The following GEMIN4 variants were observed in gnomAD, a reference collection of about 807,000 sequenced individuals.
The protein encoded by GEMIN4 is gem-associated protein 4.
In GEMIN4, 59 loss-of-function variants were observed where a neutral mutation model predicts 76.8. The ratio of observed to expected loss-of-function variants is 0.77; its 90% CI spans 0.62 to 0.95. The LOEUF is 0.95. GEMIN4 is among the 40% of genes least tolerant of loss of function. The pLI is 0.00. For synonymous variants in GEMIN4, 562 were observed against 559.7 expected (o/e 1.00, Z -0.06); for missense variants, 1,311 against 1,318.9 (o/e 0.99, Z 0.09).
Position 747,299 on chromosome 17 carries a change from A to C in GEMIN4, c.744T>G (p.Thr248=). 6.2e-7 allele frequency: 1 copy of C among 1,613,828 alleles called. No individual in the cohort carries two copies. Among genetic ancestry groups the C allele is most frequent in the Non-Finnish European group, 8.5e-7 (1 of 1,179,866 alleles). The change falls in exon 2 of 2, where the codon ACT becomes ACG. Residue 248 remains threonine (T), a synonymous_variant. Coordinates refer to ENST00000319004, the MANE Select transcript of GEMIN4 (RefSeq NM_015721.3). The part of the protein sequence containing the change: ...CALANLADML[T]VFALTEDDPQ... ...GGTCGTCCTCTGTCAGCGCAAACAC[A>C]GTCAGCATGTCAGCCAGGTTGGCCA...
In GEMIN4 at chr17:746,667, T is replaced by C; in HGVS notation, c.1376A>G (p.Glu459Gly). ...AGCTGTGCTGACGTCTATCACTGTTTCCAGCAGCCTCAACACCAAGTCTGG... is the reference window on the plus strand; with the variant it reads ...AGCTGTGCTGACGTCTATCACTGTTCCCAGCAGCCTCAACACCAAGTCTGG... ...RQPDLVLRLL[E>G]TVIDVSTADR... Residue 459 changes from glutamate to glycine, a missense_variant, in exon 2 of 2, where the codon GAA (glutamate) becomes GGA (glycine). Glu to Gly is a moderately conservative substitution (Grantham distance 98). This residue lies in a region of GEMIN4 where 1,208 missense variants were observed against 1,166.9 expected (regional missense o/e 1.04). Transcript: ENST00000319004. This position sits in a 1 kb window ranked among gnomAD's most constrained non-coding sequence, Gnocchi z 4.3. The C allele has an allele frequency of 6.2e-7, 1 of 1,613,582 alleles. No individual in the cohort carries two copies. Among genetic ancestry groups the C allele is most frequent in the Non-Finnish European group, 8.5e-7 (1 of 1,179,884 alleles).
At position 745,713 on chromosome 17, in the gene GEMIN4, A is replaced by C. The variant is rs1385443127; in HGVS notation, c.2330T>G (p.Phe777Cys). The C allele has an allele frequency of 5.6e-6, 9 of 1,604,508 alleles. No homozygotes were observed. The highest frequency in any genetic ancestry group is 2.2e-5 in the East Asian group (1 of 44,580). The change falls in exon 2 of 2, where the codon TTC becomes TGC. Residue 777 changes from phenylalanine to cysteine, a missense_variant. Physicochemically the swap from Phe to Cys is radical, Grantham distance 205 (BLOSUM62 -2). Coordinates refer to ENST00000319004, the MANE Select transcript of GEMIN4 (RefSeq NM_015721.3). The surrounding 1 kb of genome is among the most constrained non-coding windows in gnomAD (Gnocchi z 4.6). ...TTCACACTTGAAGTGCCCCTCGAAGAAGCTCTTCAGCCTCAGGCCCACAGT... is the reference window on the plus strand; with the variant it reads ...TTCACACTTGAAGTGCCCCTCGAAGCAGCTCTTCAGCCTCAGGCCCACAGT... The part of the protein sequence containing the change: ...DWTVGLRLKS[F>C]FEGHFKCEVP...
At position 746,884 on chromosome 17, in the gene GEMIN4, G is replaced by C. The variant is rs773935487; in HGVS notation, c.1159C>G (p.Leu387Val). Residue 387 changes from leucine (L) to valine (V), a missense_variant, in exon 2 of 2, where the codon CTG becomes GTG. Physicochemically the swap from Leu to Val is conservative, Grantham distance 32. Around this residue, in one of 2 missense-constraint regions of GEMIN4, gnomAD observed 1,208 missense variants for 1,166.9 expected, o/e 1.04. Coordinates refer to ENST00000319004, the MANE Select transcript of GEMIN4 (RefSeq NM_015721.3). This position sits in a 1 kb window ranked among gnomAD's most constrained non-coding sequence, Gnocchi z 4.3. ...TTCAGCACCGTGCTCGTTTTCCTCAGGAAGTCCCTGACACACTCCGCCAGC... is the reference window on the plus strand; with the variant it reads ...TTCAGCACCGTGCTCGTTTTCCTCACGAAGTCCCTGACACACTCCGCCAGC... ...SELAECVRDF[L>V]RKTSTVLKNR... The C allele has an allele frequency of 6.2e-7, 1 of 1,613,750 alleles. No individual in the cohort carries two copies. The highest frequency in any genetic ancestry group is 1.3e-5 in the African/African-American group (1 of 75,038).
upstream of GEMIN4, chr17:752,328 G>A (rs1904778188): frequency 3.3e-6 from 4 of 1,214,500 alleles, no homozygotes; most frequent in South Asian, 1.7e-4. Flanking sequence ...ACGAACGAGC[G>A]CGCCAAGCGC....
Position 745,952 on chromosome 17 carries a change from G to A in GEMIN4, c.2091C>T (p.Leu697=). ...YWLQTCSPFP[L]LFSLCQLLDR... ...CCAAGAGCTGGCACAAGCTGAAGAG[G>A]AGTGGAAACGGGGAGCAGGTCTGGA... Residue 697 remains leucine, a synonymous_variant, in exon 2 of 2, where the codon CTC becomes CTT. Coordinates refer to ENST00000319004, the MANE Select transcript of GEMIN4 (RefSeq NM_015721.3). The surrounding 1 kb of genome is among the most constrained non-coding windows in gnomAD (Gnocchi z 4.6). The A allele has an allele frequency of 1.2e-6, 2 of 1,613,166 alleles. No individual in the cohort carries two copies. The highest frequency in any genetic ancestry group is 1.7e-6 in the Non-Finnish European group (2 of 1,179,856).
At position 745,423 on chromosome 17, in the gene GEMIN4, G is replaced by C; in HGVS notation, c.2620C>G (p.Gln874Glu). 6.2e-7 allele frequency: 1 copy of C among 1,612,872 alleles called. No homozygotes were observed. The highest frequency in any genetic ancestry group is 8.5e-7 in the Non-Finnish European group (1 of 1,179,806). ...CSPQEWQRLH[Q>E]LTRRLLEKQL... ...TTCTCCAGCAGTCTCCTGGTCAGCT[G>C]GTGAAGGCGCTGCCACTCCTGAGGG... The change falls in exon 2 of 2, where the codon CAG (glutamine) becomes GAG (glutamate). Residue 874 changes from glutamine (Q) to glutamate (E), a missense_variant. Coordinates refer to ENST00000319004, the MANE Select transcript of GEMIN4 (RefSeq NM_015721.3). The surrounding 1 kb of genome is among the most constrained non-coding windows in gnomAD (Gnocchi z 4.6).
At position 747,381 on chromosome 17, in the gene GEMIN4, C is replaced by A. The variant is rs369914416; in HGVS notation, c.662G>T (p.Arg221Leu). 1.2e-6 allele frequency: 2 copies of A among 1,613,808 alleles called. No individual in the cohort carries two copies. The highest frequency in any genetic ancestry group is 1.7e-6 in the Non-Finnish European group (2 of 1,179,888). ...PTMPLLAMLL[R>L]GLTQIQSRIL... Reference sequence around the variant, plus strand: ...CCGACTCTGGATCTGTGTCAGCCCGCGGAGCAGCATGGCCAACAGGGGCAT... The same window carrying A: ...CCGACTCTGGATCTGTGTCAGCCCGAGGAGCAGCATGGCCAACAGGGGCAT... The change falls in exon 2 of 2, where the codon CGC becomes CTC. Residue 221 changes from arginine (R) to leucine (L), a missense_variant. Physicochemically the swap from Arg to Leu is moderately radical, Grantham distance 102 (BLOSUM62 -2). Around this residue, in one of 2 missense-constraint regions of GEMIN4, gnomAD observed 1,208 missense variants for 1,166.9 expected, o/e 1.04. Transcript: ENST00000319004.
Position 745,351 on chromosome 17 carries a change from G to C in GEMIN4, c.2692C>G (p.Pro898Ala). 6.2e-7 allele frequency: 1 copy of C among 1,613,026 alleles called. No homozygotes were observed. Among genetic ancestry groups the C allele is most frequent in the Non-Finnish European group, 8.5e-7 (1 of 1,179,860 alleles). ...GCAAAGGGCTTCAGGTTGAGCAGGG[G>C]AACAAACTGAATATATTCCAGGCTA... ...PYSLEYIQFVPLLNLKPFAQE... is the reference protein window; with the variant it reads ...PYSLEYIQFVALLNLKPFAQE... The change falls in exon 2 of 2, where the codon CCC (proline) becomes GCC (alanine). Residue 898 changes from proline (P) to alanine (A), a missense_variant. Coordinates refer to ENST00000319004, the MANE Select transcript of GEMIN4 (RefSeq NM_015721.3). This position sits in a 1 kb window ranked among gnomAD's most constrained non-coding sequence, Gnocchi z 4.6.
upstream of GEMIN4, chr17:753,800 C>G (rs1320613214): frequency 6.6e-6 from 1 of 152,392 alleles, no homozygotes; most frequent in African/African-American, 2.4e-5. Context: ...GGGCAGGAGA[C>G]CATTCTCCAG....
chr17:746,137 T>A lies in GEMIN4; in HGVS notation c.1906A>T (p.Lys636Ter). ...ELLNCLMSPV[K>*]PQGIPVAALL... is the part of the protein sequence containing the mutation. ...GCAGCCACTGGAATCCCTTGGGGTT[T>A]CACGGGACTCATCAGGCAGTTCAGG... is the stretch of plus-strand genomic sequence containing the variant. The change falls in exon 2 of 2, where the codon AAA (lysine) becomes TAA (stop). Residue 636 changes from lysine (K) to a stop codon, truncating the protein, a stop_gained. Transcript: ENST00000319004. LOFTEE classifies it high-confidence loss of function. This position sits in a 1 kb window ranked among gnomAD's most constrained non-coding sequence, Gnocchi z 4.3. 1.2e-6 allele frequency: 2 copies of A among 1,614,010 alleles called. No individual in the cohort carries two copies. The highest frequency in any genetic ancestry group is 1.7e-6 in the Non-Finnish European group (2 of 1,179,892).
In GEMIN4 at chr17:745,673, A is replaced by C. The variant is rs761877127; in HGVS notation, c.2370T>G (p.Leu790=). 82 of 1,596,582 alleles carry C rather than the reference A, an allele frequency of 5.1e-5. 1 individual carries two copies. Among genetic ancestry groups the C allele is most frequent in the Non-Finnish European group, 2.6e-6 (3 of 1,172,036 alleles). Residue 790 remains leucine (L), a synonymous_variant, in exon 2 of 2, where the codon CTT becomes CTG. Coordinates refer to ENST00000319004, the MANE Select transcript of GEMIN4 (RefSeq NM_015721.3). This position sits in a 1 kb window ranked among gnomAD's most constrained non-coding sequence, Gnocchi z 4.6. ...CTTCTGAAAGCTTACAGATCTCAAA[A>C]AGTGTGGCTGGCACTTCACACTTGA... ...GHFKCEVPAT[L]FEICKLSEDE... is the part of the protein sequence containing the mutation.
At chr17:751,318 G>A (rs913657949) in intron 1 of GEMIN4, among the ~76,000 whole-genome samples, 5 of 152,168 alleles carry the variant, frequency 3.3e-5, no homozygotes, top group African/African-American at 1.2e-4. Context: ...GGGCTGGGAA[G>A]CAATTACGGC....
chr17:744,903 C>T lies in GEMIN4; in HGVS notation c.3140G>A (p.Arg1047Gln), dbSNP rs567384937. 7.4e-6 allele frequency: 12 copies of T among 1,613,262 alleles called. No individual in the cohort carries two copies. The highest frequency in any genetic ancestry group is 5.3e-5 in the African/African-American group (4 of 75,034). ...SIAEGIGPEE[R>Q]RQTLLQKMSS... is the part of the protein sequence containing the mutation. ...CATCTTCTGCAACAGGGTTTGGCGC[C>T]GTTCTTCAGGGCCGATGCCCTCAGC... is the stretch of plus-strand genomic sequence containing the variant. The change falls in exon 2 of 2, where the codon CGG (arginine) becomes CAG (glutamine). Residue 1047 changes from arginine to glutamine, a missense_variant. By Grantham distance (43) the Arg-to-Gln change is conservative. Coordinates refer to ENST00000319004, the MANE Select transcript of GEMIN4 (RefSeq NM_015721.3).
rs369450971 is a variant in GEMIN4, at chr17:745,619, C to T, written c.2424G>A (p.Gly808=). 5.6e-5 allele frequency: 90 copies of T among 1,606,634 alleles called. No homozygotes were observed. Among genetic ancestry groups the T allele is most frequent in the Non-Finnish European group, 6.7e-5 (79 of 1,177,216 alleles). Residue 808 remains glycine, a synonymous_variant, in exon 2 of 2, where the codon GGG becomes GGA. Coordinates refer to ENST00000319004, the MANE Select transcript of GEMIN4 (RefSeq NM_015721.3). This position sits in a 1 kb window ranked among gnomAD's most constrained non-coding sequence, Gnocchi z 4.6. Reference sequence around the variant, plus strand: ...CCAGGAGCCCCGTGCCAGCCCCGTACCCTGGGTGGGCCTGGGAGGTCCACT... The same window carrying T: ...CCAGGAGCCCCGTGCCAGCCCCGTATCCTGGGTGGGCCTGGGAGGTCCACT... ...EDEWTSQAHP[G]YGAGTGLLAW...
chr17:748,639 G>T, intron 1 of GEMIN4: 2 of 220,230 alleles, frequency 9.1e-6, no homozygotes, highest in South Asian at 1.1e-4. Context: ...GACAGATGAA[G>T]GGAGCATAGC....
chr17:752,388 A>G (rs556633633), upstream of GEMIN4: 3 of 849,614 alleles, frequency 3.5e-6, no homozygotes, highest in Non-Finnish European at 3.1e-6. Context: ...AGGTACCCGG[A>G]CGTCGCTCAC....
upstream of GEMIN4, chr17:752,637 G>C (rs879818412): frequency 1.1e-5 from 11 of 1,015,252 alleles, no homozygotes; most frequent in East Asian, 8.4e-4. Context: ...ACGCGCTCCT[G>C]CCGCGCCGCC....
chr17:746,409 GC>G lies in GEMIN4; in HGVS notation c.1633del (p.Ala545LeufsTer10), dbSNP rs760016754. The G allele has an allele frequency of 6.2e-7, 1 of 1,613,992 alleles. No individual in the cohort carries two copies. The highest frequency in any genetic ancestry group is 8.5e-7 in the Non-Finnish European group (1 of 1,179,904). ...GACCAGGCGGGCCACGGAGGCCACAGCTTTTGCCAAGCCCTGTTCGGAGGCA... is the reference window on the plus strand; with the variant it reads ...GACCAGGCGGGCCACGGAGGCCACAGTTTTGCCAAGCCCTGTTCGGAGGCA... Reference protein sequence around the residue: ...QSASEQGLAKAVASVARLVIV... With the variant: ...QSASEQGLAKXVASVARLVIV... On this transcript the variant is annotated frameshift_variant, in exon 2 of 2. Transcript: ENST00000319004. LOFTEE classifies it high-confidence loss of function. The surrounding 1 kb of genome is among the most constrained non-coding windows in gnomAD (Gnocchi z 4.3).
In GEMIN4 at chr17:747,568, A is replaced by G. The variant is rs758966031; in HGVS notation, c.475T>C (p.Phe159Leu). The G allele has an allele frequency of 6.2e-7, 1 of 1,613,898 alleles. No individual in the cohort carries two copies. The highest frequency in any genetic ancestry group is 1.7e-5 in the Admixed American group (1 of 60,018). ...TVDTSAEDVA[F>L]FLDVWWEVMK... is the part of the protein sequence containing the mutation. ...ACCTCCCACCAGACGTCCAGGAAGA[A>G]GGCCACGTCTTCGGCAGAAGTGTCA... Residue 159 changes from phenylalanine (F) to leucine (L), a missense_variant, in exon 2 of 2, where the codon TTC (phenylalanine) becomes CTC (leucine). Transcript: ENST00000319004.
Sources: gnomAD v4.1 joint callset for allele counts (sites outside exome capture counted in the v4.1 genomes callset) on GRCh38, gnomAD v4.1.1 for gene constraint, gnomAD v4.1.1 regional missense constraint, Gnocchi (gnomAD v3.1) non-coding constraint, MANE v1.5 for transcripts, NCBI Gene and HGNC (gene_info 2026-07-23, HGNC 2026-07-21) for gene names.